CRYGS: variants seen among roughly 807,000 people sequenced by gnomAD.
CRYGS encodes the protein crystallin gamma S.
A neutral mutation model predicts 21.3 loss-of-function variants in CRYGS; 13 were observed. That is an observed-to-expected ratio of 0.61 (90% CI 0.40 to 0.97). CRYGS has a LOEUF of 0.97. Among genes scored for constraint, CRYGS ranks in the 50% least tolerant of loss-of-function variants. The pLI, the probability that CRYGS is intolerant of heterozygous loss-of-function variation, is 0.00. For missense variants in CRYGS, 205 were observed against 229.7 expected (o/e 0.89, Z 0.69); for synonymous variants, 67 against 75.0 (o/e 0.89, Z 0.55).
At chr3:186,539,302 A>G in intron 2 of CRYGS, 53 bp downstream of exon 2, 1 of 1,610,772 alleles carries the variant, frequency 6.2e-7, no homozygotes, top group Admixed American at 1.7e-5. Context: ...AAAGCAAGAG[A>G]AAGCGGACAG....
At chr3:186,539,768 T>A (rs1714016226) in intron 1 of CRYGS, 171 bp from the exon 2 acceptor site, 2 of 717,858 alleles carry the variant, frequency 2.8e-6, no homozygotes, top group Non-Finnish European at 4.5e-6. Context: ...CAACTTCAGT[T>A]GTCAACAACA....
intron 1 of CRYGS, chr3:186,540,764 C>G (rs1714046036): frequency 1.0e-6 from 1 of 964,732 alleles, no homozygotes; most frequent in African/African-American, 1.8e-5. Flanking sequence ...AGGAGCAGAG[C>G]CGGATACTGT....
intron 2 of CRYGS, 94 bp from the exon 3 acceptor site, chr3:186,539,062 C>A: frequency 1.4e-6 from 2 of 1,429,928 alleles, no homozygotes; most frequent in Middle Eastern, 3.5e-4. Flanking sequence ...AACTTATCAC[C>A]TTGAAAGCTA....
Position 186,538,535 on chromosome 3 carries a change from A to G in CRYGS, c.*161T>C. The stretch of plus-strand genomic sequence containing the variant: ...GATGGGTAGCTTTGTGTGACTGCCC[A>G]CTGTGGCGAGCACTGTATTGCTGGT... On this transcript the variant is annotated 3_prime_UTR_variant, in exon 3 of 3. Coordinates refer to ENST00000307944, the MANE Select transcript of CRYGS (RefSeq NM_017541.4). 1 of 836,266 alleles carries G rather than the reference A, an allele frequency of 1.2e-6. No homozygotes were observed. The highest frequency in any genetic ancestry group is 1.7e-5 in the African/African-American group (1 of 59,196). 51.8% of individuals were successfully genotyped at this position (836,266 alleles called of 1,614,324 possible).
At position 186,538,903 on chromosome 3, in the gene CRYGS, T is replaced by G. The variant is rs200715771; in HGVS notation, c.330A>C (p.Glu110Asp). Reference protein sequence around the residue: ...EKGDFSGQMYETTEDCPSIME... With the variant: ...EKGDFSGQMYDTTEDCPSIME... ...TGATGGAAGGGCAATCTTCGGTGGT[T>G]TCATACATCTGACCACTAAAATCCC... Residue 110 changes from glutamate to aspartate, a missense_variant, in exon 3 of 3, where the codon GAA becomes GAC. By Grantham distance (45) the Glu-to-Asp change is conservative. Transcript: ENST00000307944. The G allele has an allele frequency of 6.2e-7, 1 of 1,614,042 alleles. No homozygotes were observed. Among genetic ancestry groups the G allele is most frequent in the East Asian group, 2.2e-5 (1 of 44,868 alleles).
Position 186,538,582 on chromosome 3 carries a change from G to C in CRYGS, c.*114C>G. 3.7e-6 allele frequency: 5 copies of C among 1,352,938 alleles called. No homozygotes were observed. In the South Asian group the frequency reaches 4.9e-5, roughly 13 times the overall value. 83.8% of individuals were successfully genotyped at this position (1,352,938 alleles called of 1,614,324 possible). On this transcript the variant is annotated 3_prime_UTR_variant, in exon 3 of 3. Coordinates refer to ENST00000307944, the MANE Select transcript of CRYGS (RefSeq NM_017541.4). ...TGGTCCCTAGAAGCATTTAAGGAGAGGCATTATAGTCAGCAGTGGGATGCA... is the reference window on the plus strand; with the variant it reads ...TGGTCCCTAGAAGCATTTAAGGAGACGCATTATAGTCAGCAGTGGGATGCA...
chr3:186,543,808 G>A (rs1046348426), intron 1 of CRYGS, among the ~76,000 whole-genome samples: 5 of 152,158 alleles, frequency 3.3e-5, no homozygotes, highest in South Asian at 2.1e-4. Context: ...GACTGTAAGG[G>A]AGCACTTTAT....
intron 1 of CRYGS, 102 bp downstream of exon 1, chr3:186,544,204 C>G: frequency 1.2e-6 from 1 of 824,192 alleles, no homozygotes; most frequent in East Asian, 2.4e-5. Flanking sequence ...TCTCTAACCA[C>G]TATCATACTC....
intron 1 of CRYGS, chr3:186,539,800 C>T: frequency 1.7e-6 from 1 of 584,938 alleles, no homozygotes; most frequent in East Asian, 3.2e-5. Context: ...TTCCTGAAGG[C>T]TGAACATGAA....
At chr3:186,544,110 T>A (rs927890615) in intron 1 of CRYGS, among the ~76,000 whole-genome samples, 196 bp downstream of exon 1, 1 of 152,188 alleles carries the variant, frequency 6.6e-6, no homozygotes, top group Non-Finnish European at 1.5e-5. Flanking sequence ...TACATAAAGA[T>A]AAACCCTTAA....
At chr3:186,542,538 T>C (rs576277354) in intron 1 of CRYGS, among the ~76,000 whole-genome samples, 13 of 152,302 alleles carry the variant, frequency 8.5e-5, no homozygotes, top group South Asian at 4.1e-4. Flanking sequence ...GAGAAAAATA[T>C]CTTGAGTATC....
Position 186,539,501 on chromosome 3 carries a change from T to C in CRYGS, c.118A>G (p.Ile40Val), listed in dbSNP as rs145500062. Reference sequence around the variant, plus strand: ...GCCCAGGTGCCTCCTTCCACTTTAATGGAGTTGCAGCGACTTAGGTATGTG... The same window carrying C: ...GCCCAGGTGCCTCCTTCCACTTTAACGGAGTTGCAGCGACTTAGGTATGTG... ...FHTYLSRCNS[I>V]KVEGGTWAVY... Residue 40 changes from isoleucine to valine, a missense_variant, in exon 2 of 3, where the codon ATT (isoleucine) becomes GTT (valine). Transcript: ENST00000307944. The C allele has an allele frequency of 8.7e-6, 14 of 1,613,822 alleles. No individual in the cohort carries two copies. The African/African-American group carries it at 1.5e-4, about 17-fold the overall frequency.
In CRYGS at chr3:186,544,290, C is replaced by A. The variant is rs1224709856; in HGVS notation, c.21+16G>T. 8.2e-6 allele frequency: 13 copies of A among 1,591,172 alleles called. No homozygotes were observed. Among genetic ancestry groups the A allele is most frequent in the Admixed American group, 1.7e-5 (1 of 59,984 alleles). ...GGTGAAAAGCGGGTAGGCTAAAAAT[C>A]AATATGACTACTTACCTTGGTTCCA... On this transcript the variant is annotated intron_variant, in intron 1 of 2. Coordinates refer to ENST00000307944, the MANE Select transcript of CRYGS (RefSeq NM_017541.4).
intron 1 of CRYGS, among the ~76,000 whole-genome samples, chr3:186,543,873 T>C (rs1252094900): frequency 1.3e-5 from 2 of 152,186 alleles, no homozygotes; most frequent in Non-Finnish European, 2.9e-5. Context: ...AGGACTTTAT[T>C]CACCTGATTG....
Position 186,538,766 on chromosome 3 carries a change from T to A in CRYGS, c.467A>T (p.Glu156Val), listed in dbSNP as rs770328498. 40 of 1,614,014 alleles carry A rather than the reference T, an allele frequency of 2.5e-5. No homozygotes were observed. Among genetic ancestry groups the A allele is most frequent in the Non-Finnish European group, 3.3e-5 (39 of 1,180,024 alleles). ...RGRQYLLDKK[E>V]YRKPIDWGAA... ...ACCCCAATCGATGGGCTTCCGGTAC[T>A]CCTTCTTGTCCAGGAGGTACTGCCT... Residue 156 changes from glutamate to valine, a missense_variant, in exon 3 of 3, where the codon GAG becomes GTG. Glu to Val is a moderately radical substitution (Grantham distance 121). Coordinates refer to ENST00000307944, the MANE Select transcript of CRYGS (RefSeq NM_017541.4).
At chr3:186,543,860 T>C (rs1361732930) in intron 1 of CRYGS, among the ~76,000 whole-genome samples, 7 of 152,180 alleles carry the variant, frequency 4.6e-5, no homozygotes, top group Non-Finnish European at 2.9e-5. Flanking sequence ...GGAAGAGAGA[T>C]GTAGGACTTT....
At chr3:186,539,185 T>C (rs1053366601) in intron 2 of CRYGS, among the ~76,000 whole-genome samples, 170 bp downstream of exon 2, 4 of 152,212 alleles carry the variant, frequency 2.6e-5, no homozygotes, top group Non-Finnish European at 5.9e-5. Flanking sequence ...TGGAAATTAG[T>C]GTAGTCATTC....
chr3:186,542,827 T>C (rs1167580190), intron 1 of CRYGS, among the ~76,000 whole-genome samples: 1 of 152,192 alleles, frequency 6.6e-6, no homozygotes, highest in Non-Finnish European at 1.5e-5. Context: ...TCAAGATACA[T>C]GGATATCCCT....
At chr3:186,539,757 A>G in intron 1 of CRYGS, 160 bp from the exon 2 acceptor site, 1 of 798,466 alleles carries the variant, frequency 1.3e-6, no homozygotes, top group Non-Finnish European at 1.9e-6. Flanking sequence ...TTTCTGACAG[A>G]CAACTTCAGT....
Sources: gnomAD v4.1 joint callset for allele counts (sites outside exome capture counted in the v4.1 genomes callset) on GRCh38, gnomAD v4.1.1 for gene constraint, MANE v1.5 for transcripts, NCBI Gene and HGNC (gene_info 2026-07-23, HGNC 2026-07-21) for gene names.